NRG4: variants seen among roughly 807,000 people sequenced by gnomAD.
NRG4 encodes the protein neuregulin 4.
NRG4 carries 10 observed loss-of-function variants against 15.0 expected under a neutral mutation model. The observed-to-expected ratio is 0.67, with a 90% CI of 0.41 to 1.13. The LOEUF (loss-of-function observed/expected upper bound fraction) is 1.13. Ranked by LOEUF, NRG4 falls within the 50% of genes most tolerant of loss-of-function variation. The pLI, the probability that NRG4 is intolerant of heterozygous loss-of-function variation, is 0.00. For missense variants in NRG4, 139 were observed against 140.2 expected, an observed-to-expected ratio of 0.99 and a Z score of 0.04; for synonymous variants, 41 against 50.1, an observed-to-expected ratio of 0.82 and a Z score of 0.77.
At chr15:75,937,634 G>C (rs1219083005), downstream of NRG4, 1 of 142,244 alleles carries the variant, frequency 7.0e-6, no homozygotes, top group Non-Finnish European at 1.6e-5. Context: ...GGAAAATATT[G>C]TGACTTTTTA....
chr15:76,057,183 T>C (rs1363474550), intron 1 of NRG4: 2 of 150,836 alleles, frequency 1.3e-5, no homozygotes, highest in Non-Finnish European at 2.9e-5. Flanking sequence ...GCTCTAGGAT[T>C]CCCCCACCCT....
At position 76,054,038 on chromosome 15, in the gene NRG4, C is replaced by T. The variant is rs552844313; in HGVS notation, c.-261-1055G>A. On this transcript the variant is annotated intron_variant, in intron 2 of 8. Transcript: ENST00000563910. ...TCACTTAAAAACTGAATACCATTCA[C>T]GTGGTGATCATTTGGGCCCATTAAT... 7.3e-5 allele frequency among the ~76,000 whole-genome samples: 11 copies of T among 150,876 alleles called. No individual in the cohort carries two copies. In the East Asian group the frequency reaches 9.7e-4, roughly 13 times the overall value.
chr15:76,059,864 A>G (rs2036254098), upstream of NRG4: 1 of 140,254 alleles, frequency 7.1e-6, no homozygotes, highest in Non-Finnish European at 1.6e-5. Flanking sequence ...CGCCGGCGCG[A>G]GGCCTCGCGC....
At chr15:75,969,603 G>A (rs943703113) in intron 3 of NRG4, among the ~76,000 whole-genome samples, 2 of 152,190 alleles carry the variant, frequency 1.3e-5, no homozygotes, top group Admixed American at 6.5e-5. Flanking sequence ...ACCTAAGAGA[G>A]CAGGTACGTT....
chr15:76,015,652 T>C (rs1157598137), upstream of NRG4, among the ~76,000 whole-genome samples: 1 of 152,230 alleles, frequency 6.6e-6, no homozygotes, highest in African/African-American at 2.4e-5. Context: ...TTACGGGTAT[T>C]GATTTCTGTA....
At chr15:76,044,010 A>C (rs1310410304) in intron 4 of NRG4, among the ~76,000 whole-genome samples, 1 of 151,454 alleles carries the variant, frequency 6.6e-6, no homozygotes, top group Non-Finnish European at 1.5e-5. Flanking sequence ...TTTTTTTTTG[A>C]GATGGAGTCT....
intron 4 of NRG4, chr15:76,036,091 G>A (rs948875671): frequency 6.6e-6 from 1 of 152,108 alleles, no homozygotes; most frequent in East Asian, 1.9e-4. Context: ...TACATATTAG[G>A]TTTATAAGGT....
At chr15:75,988,820 TGGCA>T (rs1199806860) in intron 3 of NRG4, among the ~76,000 whole-genome samples, 1 of 145,218 alleles carries the variant, frequency 6.9e-6, no homozygotes, top group African/African-American at 2.7e-5. Context: ...TCCCACAGGG[TGGCA>T]AAAATAGAAT....
Position 76,051,195 on chromosome 15 carries a change from C to T in NRG4, c.-105+872G>A, listed in dbSNP as rs1010637135. Among the ~76,000 whole-genome samples, 75 of 148,592 alleles carry T rather than the reference C, an allele frequency of 5.0e-4. 1 individual carries two copies. The highest frequency in any genetic ancestry group is 7.7e-4 in the Non-Finnish European group (52 of 67,330). Reference sequence around the variant, plus strand: ...TAATTTTTTGTATTTTTAGTAGAGACGGGGTTTCACCGTTTTAGCCGGGAT... The same window carrying T: ...TAATTTTTTGTATTTTTAGTAGAGATGGGGTTTCACCGTTTTAGCCGGGAT... On this transcript the variant is annotated intron_variant, in intron 4 of 8. Coordinates refer to the NRG4 transcript ENST00000563910.
At chr15:76,019,636 AC>A (rs2035091169) in intron 5 of NRG4, among the ~76,000 whole-genome samples, 1 of 151,978 alleles carries the variant, frequency 6.6e-6, no homozygotes, top group African/African-American at 2.4e-5. Flanking sequence ...GTGAGGCGAC[AC>A]CCCACCCTGC....
At chr15:76,044,277 C>T (rs536216260) in intron 4 of NRG4, among the ~76,000 whole-genome samples, 14 of 150,642 alleles carry the variant, frequency 9.3e-5, no homozygotes, top group Non-Finnish European at 7.4e-5. Context: ...GCTGGGATTA[C>T]AGGCGTGAGC....
At chr15:76,033,912 T>C (rs1432858582) in intron 5 of NRG4, among the ~76,000 whole-genome samples, 1 of 152,240 alleles carries the variant, frequency 6.6e-6, no homozygotes, top group East Asian at 1.9e-4. Flanking sequence ...AAATCTAGTA[T>C]TTAACTTTTC....
intron 4 of NRG4, among the ~76,000 whole-genome samples, chr15:75,956,342 CT>C (rs1287090110): frequency 6.6e-6 from 1 of 152,074 alleles, no homozygotes; most frequent in African/African-American, 2.4e-5. Context: ...AATTTTTGTG[CT>C]CTTTTTAAAG....
chr15:75,985,955 G>T (rs1238982118), intron 3 of NRG4, among the ~76,000 whole-genome samples: 1 of 151,988 alleles, frequency 6.6e-6, no homozygotes, highest in South Asian at 2.1e-4. Flanking sequence ...CAATTTCTAC[G>T]ATGGCTACTA....
chr15:76,048,648 T>A (rs1005409003), intron 4 of NRG4, among the ~76,000 whole-genome samples: 3 of 150,792 alleles, frequency 2.0e-5, no homozygotes, highest in Non-Finnish European at 2.9e-5. Context: ...AAAATCATAG[T>A]GCTCCCCACC....
intron 4 of NRG4, among the ~76,000 whole-genome samples, chr15:75,959,564 C>T (rs1341663194): frequency 6.6e-6 from 1 of 152,118 alleles, no homozygotes; most frequent in Non-Finnish European, 1.5e-5. Context: ...GGCATAATCA[C>T]AGCTCACTGC....
At chr15:75,955,892 C>T in intron 5 of NRG4, 40 bp downstream of exon 5, 1 of 1,142,280 alleles carries the variant, frequency 8.8e-7, no homozygotes, top group East Asian at 2.4e-5. Flanking sequence ...ACAGTCTCAT[C>T]TAGGGTTTTA....
rs1011984663 is a variant in NRG4, at chr15:75,942,068, T to G, written c.*1570A>C. 2.6e-5 allele frequency: 4 copies of G among 151,238 alleles called. No individual in the cohort carries two copies. The highest frequency in any genetic ancestry group is 9.7e-5 in the African/African-American group (4 of 41,232). 9.4% of individuals were successfully genotyped at this position (151,238 alleles called of 1,614,324 possible). ...TATATTGCTAAGTGAAAGAAGTTAG[T>G]CTGAAAGGCTACATACTACATGATT... On this transcript the variant is annotated 3_prime_UTR_variant, in exon 6 of 6. Coordinates refer to ENST00000394907, the MANE Select transcript of NRG4 (RefSeq NM_138573.4).
downstream of NRG4, chr15:75,939,147 AATC>A: frequency 6.6e-6 from 1 of 152,092 alleles, no homozygotes; most frequent in South Asian, 2.1e-4. Flanking sequence ...ACTAGAGAAA[AATC>A]AGTGAAACTA....
Sources: gnomAD v4.1 joint callset for allele counts (sites outside exome capture counted in the v4.1 genomes callset) on GRCh38, gnomAD v4.1.1 for gene constraint, MANE v1.5 for transcripts, NCBI Gene and HGNC (gene_info 2026-07-23, HGNC 2026-07-21) for gene names.